The following CSMD1 variants were observed in gnomAD, a reference collection of about 807,000 sequenced individuals.
CSMD1 encodes CUB and Sushi multiple domains 1.
In CSMD1, 213 loss-of-function variants were observed where a neutral mutation model predicts 417.5. The observed-to-expected ratio is 0.51, with a 90% confidence interval of 0.46 to 0.57. CSMD1 has a LOEUF of 0.57. Among genes scored for constraint, CSMD1 ranks in the 20% least tolerant of loss-of-function variants. The pLI, the probability that CSMD1 is intolerant of heterozygous loss-of-function variation, is 0.00. For synonymous variants in CSMD1, 2,862 were observed against 1,736.8 expected (o/e 1.65, Z -16.11); for missense variants, 6,923 against 4,529.7 (o/e 1.53, Z -15.17).
chr8:4,810,313 C>T (rs1042823103), intron 1 of CSMD1, among the ~76,000 whole-genome samples: 1 of 150,284 alleles, frequency 6.7e-6, no homozygotes, highest in African/African-American at 2.5e-5. Flanking sequence ...TAATATGTTC[C>T]TCAACTTATT....
chr8:4,539,072 T>G (rs1242166243), intron 2 of CSMD1, among the ~76,000 whole-genome samples: 1 of 152,202 alleles, frequency 6.6e-6, no homozygotes, highest in Non-Finnish European at 1.5e-5. Context: ...ATGTGTGGCT[T>G]TTGTTTTTCT....
intron 1 of CSMD1, among the ~76,000 whole-genome samples, chr8:4,814,215 T>TGTGTGTGTGC (rs138063472): frequency 1.3e-5 from 2 of 151,480 alleles, no homozygotes; most frequent in East Asian, 1.9e-4. Flanking sequence ...TGTGTGTGTG[T>TGTGTGTGTGC]GTGCGTGTGC....
intron 50 of CSMD1, 89 bp downstream of exon 50, chr8:3,052,373 C>T: frequency 1.1e-6 from 1 of 901,032 alleles, no homozygotes; most frequent in Non-Finnish European, 1.7e-6. Flanking sequence ...TGGGAGAGGA[C>T]CTCTGAACGT....
intron 20 of CSMD1, among the ~76,000 whole-genome samples, chr8:3,364,073 T>C (rs1452812388): frequency 6.6e-6 from 1 of 152,154 alleles, no homozygotes; most frequent in African/African-American, 2.4e-5. Flanking sequence ...TAAAAGCATA[T>C]GAATACCATT....
intron 12 of CSMD1, among the ~76,000 whole-genome samples, chr8:3,443,867 T>C (rs1354403135): frequency 6.6e-6 from 1 of 152,204 alleles, no homozygotes; most frequent in East Asian, 1.9e-4. Flanking sequence ...GGTATTGCTT[T>C]CAAATTTTTC....
intron 1 of CSMD1, among the ~76,000 whole-genome samples, chr8:4,809,244 GA>G (rs1213318925): frequency 1.3e-5 from 2 of 152,136 alleles, no homozygotes; most frequent in East Asian, 1.9e-4. Context: ...TATGAATTAG[GA>G]AAAAATACTT....
At chr8:3,776,887 G>C (rs1324248516) in intron 5 of CSMD1, among the ~76,000 whole-genome samples, 1 of 151,048 alleles carries the variant, frequency 6.6e-6, no homozygotes, top group Non-Finnish European at 1.5e-5. Flanking sequence ...ATATAACTTT[G>C]TATTTTTTGC....
chr8:4,561,749 T>C (rs1223136909), intron 2 of CSMD1, among the ~76,000 whole-genome samples: 3 of 152,176 alleles, frequency 2.0e-5, no homozygotes, highest in Non-Finnish European at 4.4e-5. Flanking sequence ...TGAAAGCTTA[T>C]TATTTTGCAG....
chr8:3,471,873 C>A (rs556695624), intron 11 of CSMD1, among the ~76,000 whole-genome samples: 1 of 152,052 alleles, frequency 6.6e-6, no homozygotes, highest in Non-Finnish European at 1.5e-5. Context: ...TGGGCATAGC[C>A]GTTAGTTTTT....
chr8:4,231,455 T>C lies in CSMD1; in HGVS notation c.415+188498A>G, dbSNP rs568918912. 1.2e-4 allele frequency among the ~76,000 whole-genome samples: 18 copies of C among 152,194 alleles called. No homozygotes were observed. In the South Asian group the frequency reaches 3.3e-3, roughly 28 times the overall value. ...AGTGATAGGTGTAGAGATCAGACAT[T>C]AGACAGTGAACTCTCTCAGGGCCAG... On this transcript the variant is annotated intron_variant, in intron 3 of 69. Coordinates refer to ENST00000635120, the MANE Select transcript of CSMD1 (RefSeq NM_033225.6).
At chr8:3,936,632 GAA>G (rs756958300) in intron 5 of CSMD1, among the ~76,000 whole-genome samples, 3 of 152,112 alleles carry the variant, frequency 2.0e-5, no homozygotes, top group Non-Finnish European at 4.4e-5. Context: ...GTACTGCTCA[GAA>G]AAAGATTCCT....
At chr8:3,369,633 G>C (rs1023051649) in intron 18 of CSMD1, among the ~76,000 whole-genome samples, 1 of 152,154 alleles carries the variant, frequency 6.6e-6, no homozygotes, top group Non-Finnish European at 1.5e-5. Context: ...GCATTAACAA[G>C]CCTCAGAATT....
At chr8:3,449,603 T>G (rs939619106) in intron 12 of CSMD1, among the ~76,000 whole-genome samples, 4 of 152,072 alleles carry the variant, frequency 2.6e-5, no homozygotes, top group African/African-American at 9.7e-5. Context: ...CTGCAAACTC[T>G]GCCTCTTGGG....
In CSMD1 at chr8:3,547,121, C is replaced by G. The variant is rs545155461; in HGVS notation, c.1344+27824G>C. 1.1e-3 allele frequency among the ~76,000 whole-genome samples: 164 copies of G among 152,310 alleles called. 1 individual carries two copies. The highest frequency in any genetic ancestry group is 3.8e-3 in the African/African-American group (160 of 41,578). ...GGCTACAGGTTGGCCAACCCTCATGCTGCCATTCACACAGGCTCCTGGACA... is the reference window on the plus strand; with the variant it reads ...GGCTACAGGTTGGCCAACCCTCATGGTGCCATTCACACAGGCTCCTGGACA... On this transcript the variant is annotated intron_variant, in intron 10 of 69. Transcript: ENST00000635120.
rs1241133940 is a variant in CSMD1, at chr8:3,104,558, G to C, written c.6949+1970C>G. On this transcript the variant is annotated intron_variant, in intron 46 of 69. Coordinates refer to ENST00000635120, the MANE Select transcript of CSMD1 (RefSeq NM_033225.6). ...ATATTTTTTCAAAAAAAAAATCTAA[G>C]TTATTATGGATATCTGATAATAATT... Among the ~76,000 whole-genome samples the C allele has an allele frequency of 3.3e-5, 5 of 152,142 alleles. No individual in the cohort carries two copies. The South Asian group carries it at 6.2e-4, about 19-fold the overall frequency.
At chr8:4,730,930 C>T (rs1194977289) in intron 1 of CSMD1, among the ~76,000 whole-genome samples, 2 of 152,042 alleles carry the variant, frequency 1.3e-5, no homozygotes, top group South Asian at 4.1e-4. Flanking sequence ...ATTCCTGAGG[C>T]AACCAGGGCC....
intron 3 of CSMD1, among the ~76,000 whole-genome samples, chr8:4,298,182 T>A (rs567852952): frequency 1.3e-5 from 2 of 152,152 alleles, no homozygotes; most frequent in African/African-American, 4.8e-5. Flanking sequence ...TTTTGAGGAA[T>A]CTGCCTTAGT....
intron 3 of CSMD1, among the ~76,000 whole-genome samples, chr8:4,274,595 ATAGAT>A (rs1796369842): frequency 1.3e-5 from 2 of 152,310 alleles, no homozygotes; most frequent in South Asian, 4.1e-4. Context: ...TATTCTATTA[ATAGAT>A]TAATCTATGA....
chr8:4,961,148 A>C (rs1364596350), intron 1 of CSMD1, among the ~76,000 whole-genome samples: 3 of 152,186 alleles, frequency 2.0e-5, no homozygotes, highest in Non-Finnish European at 4.4e-5. Flanking sequence ...TCTTACCTTG[A>C]ACAACTTTTT....
Sources: allele counts gnomAD v4.1 joint callset (sites outside exome capture counted in the v4.1 genomes callset), GRCh38; gene constraint gnomAD v4.1.1; transcripts MANE v1.5; gene names NCBI Gene and HGNC (gene_info 2026-07-23, HGNC 2026-07-21).